The following DLGAP2 variants were observed in gnomAD, a reference collection of about 807,000 sequenced individuals.
DLGAP2 encodes the protein DLG associated protein 2.
DLGAP2 carries 26 observed loss-of-function variants against 100.3 expected under a neutral mutation model. That is an observed-to-expected ratio of 0.26 (90% CI 0.19 to 0.36). The LOEUF is 0.36. DLGAP2 is among the 10% of genes least tolerant of loss of function. DLGAP2 has a pLI of 1.00. For missense variants in DLGAP2, 1,858 were observed against 1,453.2 expected (o/e 1.28, Z -4.53); for synonymous variants, 886 against 630.1 (o/e 1.41, Z -6.08).
At position 882,358 on chromosome 8, in the gene DLGAP2, C is replaced by CTCCTGCGGGTA. The variant is rs1563077539; in HGVS notation, c.19-25554_19-25553insTCCTGCGGGTA. 5.1e-3 allele frequency among the ~76,000 whole-genome samples: 769 copies of CTCCTGCGGGTA among 150,722 alleles called. 8 individuals are homozygous for CTCCTGCGGGTA. The highest frequency in any genetic ancestry group is 8.8e-3 in the Non-Finnish European group (593 of 67,654). Reference sequence around the variant, plus strand: ...GCGGCACCGCTCCCTGCGGAGGCCTCCCCTGCGCGCACCCTCGCCTGATCC... The same window carrying CTCCTGCGGGTA: ...GCGGCACCGCTCCCTGCGGAGGCCTCTCCTGCGGGTACCCTGCGCGCACCCTCGCCTGATCC... On this transcript the variant is annotated intron_variant, in intron 1 of 14. Coordinates refer to ENST00000637795, the MANE Select transcript of DLGAP2 (RefSeq NM_001346810.2).
At chr8:1,637,101 G>T (rs1185393789) in intron 8 of DLGAP2, among the ~76,000 whole-genome samples, 2 of 152,180 alleles carry the variant, frequency 1.3e-5, no homozygotes, top group African/African-American at 4.8e-5. Flanking sequence ...AGACGTGCTT[G>T]CTCGGGGACC....
chr8:1,169,889 A>C (rs182818873), intron 2 of DLGAP2, among the ~76,000 whole-genome samples: 141 of 152,024 alleles, frequency 9.3e-4, no homozygotes, highest in African/African-American at 3.0e-3. Flanking sequence ...TCTCCTGCCT[A>C]ATTGCCCTGG....
chr8:1,692,891 T>A (rs945934305), intron 13 of DLGAP2, among the ~76,000 whole-genome samples: 1 of 148,736 alleles, frequency 6.7e-6, no homozygotes, highest in East Asian at 1.9e-4. Flanking sequence ...TACATATGCT[T>A]ATATATAAAT....
rs147611911 is a variant in DLGAP2 at position 1,624,540 on chromosome 8, C to T, written c.1443-2200C>T. On this transcript the variant is annotated intron_variant, in intron 6 of 14. Transcript: ENST00000637795. ...TCAACCTGAGCCTGAAACTTGTGAC[C>T]GTGTCTCAGGATGCTGTTGACATTT... is the stretch of plus-strand genomic sequence containing the variant. Among the ~76,000 whole-genome samples the T allele has an allele frequency of 9.8e-4, 148 of 151,718 alleles. 1 individual carries two copies. Among genetic ancestry groups the T allele is most frequent in the African/African-American group, 2.2e-3 (90 of 41,372 alleles).
intron 2 of DLGAP2, among the ~76,000 whole-genome samples, chr8:1,113,043 A>G (rs976643453): frequency 2.0e-5 from 3 of 152,082 alleles, no homozygotes; most frequent in Non-Finnish European, 2.9e-5. Context: ...TGGGCTGTCT[A>G]TTCGGTTCCA....
intron 2 of DLGAP2, among the ~76,000 whole-genome samples, chr8:1,166,022 A>C (rs951399392): frequency 6.6e-6 from 1 of 152,214 alleles, no homozygotes. Context: ...AAGAAAACTG[A>C]ATAATCTCCC....
intron 1 of DLGAP2, among the ~76,000 whole-genome samples, chr8:850,563 T>G (rs888935837): frequency 6.6e-6 from 1 of 152,198 alleles, no homozygotes. Context: ...TTATGTATAT[T>G]TGTGTGTCTG....
At chr8:870,471 C>T (rs925095710) in intron 1 of DLGAP2, among the ~76,000 whole-genome samples, 1 of 152,126 alleles carries the variant, frequency 6.6e-6, no homozygotes, top group Non-Finnish European at 1.5e-5. Flanking sequence ...GCTTGAAAAC[C>T]TGGAGAATTC....
intron 3 of DLGAP2, among the ~76,000 whole-genome samples, chr8:1,305,496 G>A (rs1016931954): frequency 8.5e-5 from 13 of 152,178 alleles, no homozygotes; most frequent in African/African-American, 3.1e-4. Flanking sequence ...ACATTTGTGT[G>A]TCTTTCTGTT....
At chr8:1,245,704 T>C (rs1057268521) in intron 2 of DLGAP2, among the ~76,000 whole-genome samples, 1 of 152,344 alleles carries the variant, frequency 6.6e-6, no homozygotes, top group African/African-American at 2.4e-5. Flanking sequence ...CTGTGCACTT[T>C]CAGTGGGTGA....
At chr8:1,455,356 C>A (rs1192203022) in intron 3 of DLGAP2, among the ~76,000 whole-genome samples, 1 of 152,250 alleles carries the variant, frequency 6.6e-6, no homozygotes, top group Non-Finnish European at 1.5e-5. Flanking sequence ...GCCAAGGCCG[C>A]TGCAGACTGA....
At chr8:1,156,671 G>A (rs1307412833) in intron 2 of DLGAP2, among the ~76,000 whole-genome samples, 6 of 151,894 alleles carry the variant, frequency 4.0e-5, no homozygotes, top group African/African-American at 1.5e-4. Context: ...CCCCAGCTTA[G>A]CGTCCCAGCC....
At chr8:920,587 C>G (rs956492518) in intron 2 of DLGAP2, among the ~76,000 whole-genome samples, 4 of 152,132 alleles carry the variant, frequency 2.6e-5, no homozygotes, top group African/African-American at 4.8e-5. Context: ...GAGACCCCAT[C>G]TCTACTAAAA....
intron 1 of DLGAP2, among the ~76,000 whole-genome samples, chr8:788,927 A>G (rs529569738): frequency 2.0e-5 from 3 of 152,260 alleles, no homozygotes; most frequent in Non-Finnish European, 4.4e-5. Context: ...GGAAGCACAG[A>G]TGGTTCCTGT....
intron 1 of DLGAP2, among the ~76,000 whole-genome samples, chr8:894,587 G>A (rs1266011129): frequency 7.0e-6 from 1 of 143,204 alleles, no homozygotes; most frequent in Admixed American, 7.1e-5. Context: ...TATGGAGGCG[G>A]AGCAGGGGTG....
intron 2 of DLGAP2, among the ~76,000 whole-genome samples, chr8:1,079,469 A>T (rs934222250): frequency 1.3e-5 from 2 of 152,202 alleles, no homozygotes; most frequent in African/African-American, 4.8e-5. Flanking sequence ...AGCAGCCTTT[A>T]TTGGTTGCTT....
chr8:1,010,210 C>G (rs1801236032), intron 2 of DLGAP2, among the ~76,000 whole-genome samples: 2 of 152,214 alleles, frequency 1.3e-5, no homozygotes, highest in Non-Finnish European at 1.5e-5. Flanking sequence ...TGTGCACACT[C>G]AGATATCAGT....
intron 1 of DLGAP2, among the ~76,000 whole-genome samples, chr8:832,447 C>T (rs1367235315): frequency 2.0e-5 from 3 of 152,208 alleles, no homozygotes; most frequent in East Asian, 1.9e-4. Flanking sequence ...TTATTGTTTA[C>T]AGTCATTGCC....
intron 3 of DLGAP2, among the ~76,000 whole-genome samples, chr8:1,352,467 C>T (rs912308131): frequency 6.6e-6 from 1 of 152,168 alleles, no homozygotes; most frequent in Non-Finnish European, 1.5e-5. Context: ...GGTCTCAGCT[C>T]TTATCACTTC....
Sources: gnomAD v4.1 joint callset for allele counts (sites outside exome capture counted in the v4.1 genomes callset) on GRCh38, gnomAD v4.1.1 for gene constraint, MANE v1.5 for transcripts, NCBI Gene and HGNC (gene_info 2026-07-23, HGNC 2026-07-21) for gene names.